NLRP4: variants seen among roughly 807,000 people sequenced by gnomAD.
The protein encoded by NLRP4 is NACHT, LRR and PYD domains-containing protein 4.
NLRP4 carries 44 observed loss-of-function variants against 84.7 expected under a neutral mutation model. The observed-to-expected ratio is 0.52, with a 90% confidence interval of 0.41 to 0.67. The LOEUF (loss-of-function observed/expected upper bound fraction) is 0.67. NLRP4 is among the 30% of genes least tolerant of loss of function. NLRP4 has a pLI of 0.00. For synonymous variants in NLRP4, 544 were observed against 476.4 expected, an observed-to-expected ratio of 1.14 and a Z score of -1.85; for missense variants, 1,260 against 1,219.4, an observed-to-expected ratio of 1.03 and a Z score of -0.50.
rs1491411569 is a variant in NLRP4 at position 55,857,357 on chromosome 19, G to GTGTGTC, written c.281-316_281-315insGTGTCT. The GTGTGTC allele has an allele frequency of 5.4e-4, 221 of 407,252 alleles. 2 individuals carry two copies. Among genetic ancestry groups the GTGTGTC allele is most frequent in the Non-Finnish European group, 1.2e-4 (29 of 232,110 alleles). 25.2% of individuals were successfully genotyped at this position (407,252 alleles called of 1,614,324 possible). The stretch of plus-strand genomic sequence containing the variant: ...TGTGTGTGTGTGTGTGTGTGTGTGT[G>GTGTGTC]TCTATTGAAAGCAGAAGTTGTCAAC... On this transcript the variant is annotated intron_variant, in intron 2 of 9. Coordinates refer to ENST00000301295, the MANE Select transcript of NLRP4 (RefSeq NM_134444.5).
chr19:55,877,914 G>A (rs4801641), intron 8 of NLRP4, among the ~76,000 whole-genome samples: 74,271 of 151,898 alleles, frequency 0.49, 19,124 homozygotes, highest in East Asian at 0.66. Context: ...GGACTTCAAC[G>A]TATAAATTTT....
intron 1 of NLRP4, among the ~76,000 whole-genome samples, chr19:55,847,283 AAAG>A (rs749163194): frequency 1.3e-5 from 2 of 152,160 alleles, no homozygotes; most frequent in Non-Finnish European, 2.9e-5. Flanking sequence ...CCCTTAAGAC[AAAG>A]AAGATGACTT....
chr19:55,868,127 G>T lies in NLRP4; in HGVS notation c.2354+251G>T, dbSNP rs555716990. Among the ~76,000 whole-genome samples the T allele has an allele frequency of 4.6e-5, 7 of 152,354 alleles. No individual in the cohort carries two copies. In the East Asian group the frequency reaches 1.3e-3, roughly 29 times the overall value. ...GGTCTTATGGCTATCAAGTGAGACT[G>T]TCTATACAGAACACGTACTGTGTTT... On this transcript the variant is annotated intron_variant, in intron 6 of 9. Transcript: ENST00000301295.
chr19:55,860,281 G>A (rs569387164), intron 3 of NLRP4, among the ~76,000 whole-genome samples: 14 of 152,216 alleles, frequency 9.2e-5, no homozygotes, highest in South Asian at 2.1e-4. Context: ...CACCGTGCCC[G>A]GCCAAATCAT....
chr19:55,872,934 T>C (rs1486434871), intron 7 of NLRP4, among the ~76,000 whole-genome samples: 1 of 152,048 alleles, frequency 6.6e-6, no homozygotes, highest in African/African-American at 2.4e-5. Flanking sequence ...GAAAGTGATA[T>C]CTACAAGAAA....
intron 2 of NLRP4, among the ~76,000 whole-genome samples, chr19:55,852,754 G>A (rs1197422719): frequency 6.6e-6 from 1 of 152,172 alleles, no homozygotes; most frequent in African/African-American, 2.4e-5. Context: ...TGGGATTATA[G>A]GCATGATCCA....
chr19:55,869,984 G>C (rs1985111727), intron 6 of NLRP4, among the ~76,000 whole-genome samples: 1 of 152,042 alleles, frequency 6.6e-6, no homozygotes, highest in South Asian at 2.1e-4. Context: ...CAGCTACTCA[G>C]AAGACTGAGG....
chr19:55,858,008 T>A lies in NLRP4; in HGVS notation c.615T>A (p.Ile205=), dbSNP rs748249083. The change falls in exon 3 of 10, where the codon ATT becomes ATA. Residue 205 remains isoleucine (I), a synonymous_variant. Coordinates refer to ENST00000301295, the MANE Select transcript of NLRP4 (RefSeq NM_134444.5). This position sits in a 1 kb window ranked among gnomAD's most constrained non-coding sequence, Gnocchi z 4.2. ...CGCCAACGAGTTTGGCTGACTTGAT[T>A]TCCAGAGAGTGGCCTGACCCCGCTG... ...ELPPTSLADL[I]SREWPDPAAP... The A allele has an allele frequency of 3.7e-6, 6 of 1,614,066 alleles. No individual in the cohort carries two copies. Among genetic ancestry groups the A allele is most frequent in the Admixed American group, 1.7e-5 (1 of 60,016 alleles).
chr19:55,856,608 C>T (rs901680448), intron 2 of NLRP4, among the ~76,000 whole-genome samples: 3 of 150,158 alleles, frequency 2.0e-5, no homozygotes, highest in East Asian at 2.0e-4. Flanking sequence ...CTCTGCCTCC[C>T]GGGTTCAAGC....
At chr19:55,878,241 G>A (rs1036306533) in intron 8 of NLRP4, among the ~76,000 whole-genome samples, 3 of 148,732 alleles carry the variant, frequency 2.0e-5, no homozygotes, top group African/African-American at 2.5e-5. Flanking sequence ...CACTTCAGCC[G>A]GGATGACAGA....
rs1160263022 is a variant in NLRP4, at chr19:55,836,567, G to A, written c.-433G>A. On this transcript the variant is annotated 5_prime_UTR_variant, in exon 1 of 10. Transcript: ENST00000301295. The stretch of plus-strand genomic sequence containing the variant: ...GGACCAGGAAGGCGTGGAGCGGTGA[G>A]TCAGCGCTTCGTGCTGGGCTGTTCG... 6.6e-6 allele frequency: 1 copy of A among 152,370 alleles called. No homozygotes were observed. The highest frequency in any genetic ancestry group is 1.5e-5 in the Non-Finnish European group (1 of 68,066). 9.4% of individuals were successfully genotyped at this position (152,370 alleles called of 1,614,324 possible).
At chr19:55,878,481 AGACGGC>A (rs1985454486) in intron 8 of NLRP4, among the ~76,000 whole-genome samples, 4 of 151,768 alleles carry the variant, frequency 2.6e-5, no homozygotes, top group African/African-American at 7.3e-5. Context: ...TTGTTATCTG[AGACGGC>A]TTCATACCTT....
rs1331999161 is a variant in NLRP4 at position 55,867,696 on chromosome 19, C to T, written c.2187-13C>T. ...AGAAACCAACAGAATGTGACATTTT[C>T]CCTTTCCTGCAGGCTGGTAAATTGT... On this transcript the variant is annotated splice_polypyrimidine_tract_variant and intron_variant, in intron 5 of 9. Transcript: ENST00000301295. 6.2e-7 allele frequency: 1 copy of T among 1,609,402 alleles called. No individual in the cohort carries two copies. Among genetic ancestry groups the T allele is most frequent in the South Asian group, 1.1e-5 (1 of 90,382 alleles).
intron 7 of NLRP4, among the ~76,000 whole-genome samples, chr19:55,872,639 A>G (rs1985229058): frequency 6.6e-6 from 1 of 152,236 alleles, no homozygotes. Flanking sequence ...AAGATAGGTT[A>G]CAATTACCTA....
Position 55,881,642 on chromosome 19 carries a change from C to G in NLRP4, c.*55C>G. On this transcript the variant is annotated 3_prime_UTR_variant, in exon 10 of 10. Transcript: ENST00000301295. The stretch of plus-strand genomic sequence containing the variant: ...ACCTGCAAAGGACAGGGACTGGGAC[C>G]GTTACTTACATGACACTGCACCCAG... 1.2e-6 allele frequency: 1 copy of G among 837,348 alleles called. No homozygotes were observed. The allele number at this position is 837,348 out of a possible 1,614,324, so 51.9% of individuals were successfully genotyped here.
chr19:55,853,351 C>A (rs753046550), intron 2 of NLRP4, among the ~76,000 whole-genome samples: 1 of 152,072 alleles, frequency 6.6e-6, no homozygotes, highest in African/African-American at 2.4e-5. Flanking sequence ...CTGTGTATTC[C>A]ATTCTTCTGT....
In NLRP4 at chr19:55,849,933, A is replaced by G. The variant is rs113529533; in HGVS notation, c.-65-2083A>G. On this transcript the variant is annotated intron_variant, in intron 1 of 9. Coordinates refer to ENST00000301295, the MANE Select transcript of NLRP4 (RefSeq NM_134444.5). The stretch of plus-strand genomic sequence containing the variant: ...TCCGTAGCCGCGGTGTAATTTCCGT[A>G]GCCGCGGTGTAATTTCCGAGACTGC... Among the ~76,000 whole-genome samples, 566 of 101,352 alleles carry G rather than the reference A, an allele frequency of 5.6e-3. 21 individuals carry two copies. Among genetic ancestry groups the G allele is most frequent in the African/African-American group, 0.016 (249 of 15,302 alleles). The allele number at this position is 101,352 out of a possible 152,430, so 66.5% of individuals were successfully genotyped here. A position where few individuals can be genotyped will look rare whatever the true frequency, so the allele number is the denominator to read the frequency against.
chr19:55,860,014 T>C (rs1984682489), intron 3 of NLRP4, among the ~76,000 whole-genome samples: 1 of 147,768 alleles, frequency 6.8e-6, no homozygotes, highest in East Asian at 2.0e-4. Flanking sequence ...GAAATGGAGT[T>C]TTGCTTTGTC....
Position 55,859,135 on chromosome 19 carries a change from T to C in NLRP4, c.1742T>C (p.Ile581Thr), listed in dbSNP as rs761145524. 6.2e-7 allele frequency: 1 copy of C among 1,614,032 alleles called. No individual in the cohort carries two copies. The highest frequency in any genetic ancestry group is 1.7e-5 in the Admixed American group (1 of 60,014). ...CTCCAAGAAGCTAACTTTCATATTA[T>C]TGACAACGTGGACTTGGTGGTTTCT... ...NLLQEANFHIIDNVDLVVSAY... is the reference protein window; with the variant it reads ...NLLQEANFHITDNVDLVVSAY... The change falls in exon 3 of 10, where the codon ATT (isoleucine) becomes ACT (threonine). Residue 581 changes from isoleucine to threonine, a missense_variant. By Grantham distance (89) the Ile-to-Thr change is moderately conservative. Around this residue, in one of 3 missense-constraint regions of NLRP4, gnomAD observed 544 missense variants for 531.7 expected, o/e 1.02. Transcript: ENST00000301295.
Sources: allele counts gnomAD v4.1 joint callset (sites outside exome capture counted in the v4.1 genomes callset), GRCh38; gene constraint gnomAD v4.1.1; regional missense constraint gnomAD v4.1.1; non-coding constraint Gnocchi (gnomAD v3.1); transcripts MANE v1.5; gene names NCBI Gene and HGNC (gene_info 2026-07-23, HGNC 2026-07-21).